LAIR1: variants seen among roughly 807,000 people sequenced by gnomAD.
LAIR1 encodes the protein leukocyte associated immunoglobulin like receptor 1.
A neutral mutation model predicts 32.8 loss-of-function variants in LAIR1; 24 were observed. The ratio of observed to expected loss-of-function variants is 0.73; its 90% CI spans 0.53 to 1.03. LAIR1 has a LOEUF of 1.03. Among genes scored for constraint, LAIR1 ranks in the 50% least tolerant of loss-of-function variants. The probability of loss-of-function intolerance (pLI) is 0.00; values close to 1 mark genes in which losing one functional copy is unlikely to be tolerated. For synonymous variants in LAIR1, 150 were observed against 140.5 expected (o/e 1.07, Z -0.48); for missense variants, 355 against 347.5 (o/e 1.02, Z -0.17).
upstream of LAIR1, chr19:54,370,562 T>A (rs1292236613): frequency 5.7e-6 from 2 of 353,820 alleles, no homozygotes. Context: ...TATACCAGGG[T>A]CAGGAACGGA....
intron 4 of LAIR1, among the ~76,000 whole-genome samples, chr19:54,359,374 G>A (rs890991137): frequency 6.6e-6 from 1 of 151,726 alleles, no homozygotes; most frequent in Non-Finnish European, 1.5e-5. Flanking sequence ...CCAGGGCAGA[G>A]CCAGATGGAA....
At chr19:54,361,651 C>T (rs1057100909) in intron 2 of LAIR1, among the ~76,000 whole-genome samples, 1 of 142,540 alleles carries the variant, frequency 7.0e-6, no homozygotes, top group Admixed American at 7.0e-5. Context: ...GGGCACTGGC[C>T]GGTCCCCGGG....
At position 54,355,855 on chromosome 19, in the gene LAIR1, C is replaced by G; in HGVS notation, c.717+99G>C. On this transcript the variant is annotated intron_variant, in intron 9 of 9. Coordinates refer to ENST00000391742, the MANE Select transcript of LAIR1 (RefSeq NM_002287.6). The surrounding 1 kb of genome is among the most constrained non-coding windows in gnomAD (Gnocchi z 4.7). ...CCTCAGGACAGGCCGTGAGCCGGAA[C>G]CGCCCAGCTGAGCCACTCCTGAATT... 1 of 844,520 alleles carries G rather than the reference C, an allele frequency of 1.2e-6. No individual in the cohort carries two copies. The highest frequency in any genetic ancestry group is 1.4e-5 in the South Asian group (1 of 72,682). 52.3% of individuals were successfully genotyped at this position (844,520 alleles called of 1,614,324 possible). A position where few individuals can be genotyped will look rare whatever the true frequency, so the allele number is the denominator to read the frequency against.
chr19:54,361,021 G>T lies in LAIR1; in HGVS notation c.259C>A (p.Arg87Ser). Reference protein sequence around the residue: ...ASPSESEARFRIDSVREGNAG... With the variant: ...ASPSESEARFSIDSVREGNAG... ...TTTCCTTCTCTTACTGAGTCAATGCGGAATCTGGCCTCTGACTCAGATGGA... is the reference window on the plus strand; with the variant it reads ...TTTCCTTCTCTTACTGAGTCAATGCTGAATCTGGCCTCTGACTCAGATGGA... Residue 87 changes from arginine (R) to serine (S), a missense_variant, in exon 3 of 10, where the codon CGC (arginine) becomes AGC (serine). Transcript: ENST00000391742. The T allele has an allele frequency of 6.2e-7, 1 of 1,614,164 alleles. No individual in the cohort carries two copies. The highest frequency in any genetic ancestry group is 8.5e-7 in the Non-Finnish European group (1 of 1,179,992).
At position 54,361,086 on chromosome 19, in the gene LAIR1, C is replaced by A. The variant is rs2122495848; in HGVS notation, c.194G>T (p.Arg65Ile). 1 of 1,614,208 alleles carries A rather than the reference C, an allele frequency of 6.2e-7. No individual in the cohort carries two copies. Among genetic ancestry groups the A allele is most frequent in the Middle Eastern group, 1.6e-4 (1 of 6,062 alleles). ...VQTFRLERDS[R>I]STYNDTEDVS... ...ATCTTCAGTATCATTGTATGTGGATCTACTGTCCCTCTCCAGGCGGAATGT... is the reference window on the plus strand; with the variant it reads ...ATCTTCAGTATCATTGTATGTGGATATACTGTCCCTCTCCAGGCGGAATGT... Residue 65 changes from arginine to isoleucine, a missense_variant, in exon 3 of 10, where the codon AGA becomes ATA. Transcript: ENST00000391742.
rs559968360 is a variant in LAIR1, at chr19:54,355,091, C to A, written c.*177G>T. The stretch of plus-strand genomic sequence containing the variant: ...ATTGTAGAAGGGACCACCTGGCTAA[C>A]GAACCTTCTGGATGCTGGTTAGAAA... On this transcript the variant is annotated 3_prime_UTR_variant, in exon 10 of 10. Transcript: ENST00000391742. The surrounding 1 kb of genome is among the most constrained non-coding windows in gnomAD (Gnocchi z 4.7). The A allele has an allele frequency of 8.3e-6, 5 of 598,854 alleles. No individual in the cohort carries two copies. The highest frequency in any genetic ancestry group is 2.3e-5 in the South Asian group (1 of 43,724). The allele number at this position is 598,854 out of a possible 1,614,324, so 37.1% of individuals were successfully genotyped here.
chr19:54,362,254 A>G (rs1404632459), intron 2 of LAIR1, among the ~76,000 whole-genome samples: 1 of 152,186 alleles, frequency 6.6e-6, no homozygotes, highest in Non-Finnish European at 1.5e-5. Flanking sequence ...ACAATCCTGA[A>G]CTTACTCTTC....
chr19:54,359,355 T>C (rs1041724687), intron 4 of LAIR1, among the ~76,000 whole-genome samples: 1 of 151,378 alleles, frequency 6.6e-6, no homozygotes, highest in Non-Finnish European at 1.5e-5. Flanking sequence ...TTCAATCCCA[T>C]CACAGAGTCC....
At chr19:54,358,386 A>AAT (rs61374903) in intron 4 of LAIR1, 25,984 of 131,044 alleles carry the variant, frequency 0.2, 2,006 homozygotes, top group Admixed American at 0.42. Context: ...TTATATATAT[A>AAT]ATATATATAT....
chr19:54,364,982 C>G (rs2082205213), upstream of LAIR1: 2 of 1,486,046 alleles, frequency 1.3e-6, no homozygotes, highest in Non-Finnish European at 1.8e-6. This position sits in a 1 kb window ranked among gnomAD's most constrained non-coding sequence, Gnocchi z 4.8. Context: ...ACCCTTCCCA[C>G]TAGTGAGACG....
At chr19:54,372,264 G>A (rs1032751028), upstream of LAIR1, among the ~76,000 whole-genome samples, 35 of 151,516 alleles carry the variant, frequency 2.3e-4, 2 homozygotes, top group African/African-American at 7.1e-4. Flanking sequence ...GAGAGTTCCC[G>A]TTGCTCCACA....
chr19:54,361,256 A>G (rs1328623137), intron 2 of LAIR1, 47 bp from the exon 3 acceptor site: 6 of 1,579,940 alleles, frequency 3.8e-6, no homozygotes, highest in South Asian at 1.1e-5. Flanking sequence ...GTAGGAAGTC[A>G]CCATGCCACA....
chr19:54,364,974 C>T, upstream of LAIR1: 1 of 1,505,266 alleles, frequency 6.6e-7, no homozygotes, highest in Non-Finnish European at 8.9e-7. This position sits in a 1 kb window ranked among gnomAD's most constrained non-coding sequence, Gnocchi z 4.8. Flanking sequence ...TTCTTTCCAC[C>T]CTTCCCACTA....
Position 54,355,859 on chromosome 19 carries a change from C to T in LAIR1, c.717+95G>A, listed in dbSNP as rs911037562. The T allele has an allele frequency of 8.0e-6, 7 of 878,582 alleles. No individual in the cohort carries two copies. Among genetic ancestry groups the T allele is most frequent in the Admixed American group, 3.6e-5 (2 of 56,278 alleles). The allele number at this position is 878,582 out of a possible 1,614,324, so 54.4% of individuals were successfully genotyped here. A position where few individuals can be genotyped will look rare whatever the true frequency, so the allele number is the denominator to read the frequency against. ...AGGACAGGCCGTGAGCCGGAACCGC[C>T]CAGCTGAGCCACTCCTGAATTCCTA... is the stretch of plus-strand genomic sequence containing the variant. On this transcript the variant is annotated intron_variant, in intron 9 of 9. Coordinates refer to ENST00000391742, the MANE Select transcript of LAIR1 (RefSeq NM_002287.6). This position sits in a 1 kb window ranked among gnomAD's most constrained non-coding sequence, Gnocchi z 4.7.
chr19:54,356,683 C>T, intron 5 of LAIR1, 64 bp from the exon 6 acceptor site: 1 of 1,507,896 alleles, frequency 6.6e-7, no homozygotes, highest in East Asian at 2.3e-5. Flanking sequence ...GTATACCACA[C>T]ACACGTCACG....
chr19:54,369,191 A>C (rs1047284496), upstream of LAIR1, among the ~76,000 whole-genome samples: 20 of 150,984 alleles, frequency 1.3e-4, no homozygotes, highest in African/African-American at 4.9e-4. Context: ...TTTGGATTTC[A>C]TCATCTTTCC....
At chr19:54,374,057 G>T (rs574969482), upstream of LAIR1, among the ~76,000 whole-genome samples, 271 of 152,174 alleles carry the variant, frequency 1.8e-3, no homozygotes, top group African/African-American at 6.0e-3. Flanking sequence ...CTTCCCAGAG[G>T]TTCCAATGCT....
intron 3 of LAIR1, among the ~76,000 whole-genome samples, chr19:54,360,441 C>G (rs2122476077): frequency 6.6e-6 from 1 of 151,482 alleles, no homozygotes; most frequent in Non-Finnish European, 1.5e-5. Flanking sequence ...TCCCAAAGCA[C>G]TGTCCCGCCC....
intron 2 of LAIR1, among the ~76,000 whole-genome samples, chr19:54,363,040 A>G (rs577916844): frequency 1.3e-5 from 2 of 152,100 alleles, no homozygotes; most frequent in East Asian, 3.9e-4. Context: ...AAAAGATTTC[A>G]TCTTACGATG....
Sources: gnomAD v4.1 joint callset for allele counts (sites outside exome capture counted in the v4.1 genomes callset) on GRCh38, gnomAD v4.1.1 for gene constraint, Gnocchi (gnomAD v3.1) non-coding constraint, MANE v1.5 for transcripts, NCBI Gene and HGNC (gene_info 2026-07-23, HGNC 2026-07-21) for gene names.